Variants in DPPA2 observed in about 807,000 individuals in gnomAD.
DPPA2 encodes developmental pluripotency-associated protein 2.
Under a neutral mutation model 36.2 loss-of-function variants are expected in DPPA2, and 26 were observed. The observed-to-expected ratio is 0.72, with a 90% CI of 0.53 to 1.00. The LOEUF (loss-of-function observed/expected upper bound fraction) is 1.00, where lower values mean the gene tolerates loss of function less well. Among genes scored for constraint, DPPA2 ranks in the 50% least tolerant of loss-of-function variants. DPPA2 has a pLI of 0.00. For missense variants in DPPA2, 361 were observed against 365.1 expected, an observed-to-expected ratio of 0.99 and a Z score of 0.09; for synonymous variants, 113 against 123.2, an observed-to-expected ratio of 0.92 and a Z score of 0.55.
intron 3 of DPPA2, among the ~76,000 whole-genome samples, chr3:109,311,081 T>C (rs898810123): frequency 6.6e-6 from 1 of 152,124 alleles, no homozygotes; most frequent in Non-Finnish European, 1.5e-5. Flanking sequence ...GGATTATAGG[T>C]GTAAGCCATC....
rs1576825975 is a variant in DPPA2 at position 109,314,392 on chromosome 3, A to G, written c.33+118T>C. 3 of 1,054,710 alleles carry G rather than the reference A, an allele frequency of 2.8e-6. No individual in the cohort carries two copies. The African/African-American group carries it at 4.8e-5, about 17-fold the overall frequency. 65.3% of individuals were successfully genotyped at this position (1,054,710 alleles called of 1,614,324 possible). A position where few individuals can be genotyped will look rare whatever the true frequency, so the allele number is the denominator to read the frequency against. On this transcript the variant is annotated intron_variant, in intron 2 of 8. Coordinates refer to ENST00000478945, the MANE Select transcript of DPPA2 (RefSeq NM_138815.4). ...TTTGCAAAGAAGAGGAGGTTTCAAGATGGAGATTTCTTACATCCAGGAATG... is the reference window on the plus strand; with the variant it reads ...TTTGCAAAGAAGAGGAGGTTTCAAGGTGGAGATTTCTTACATCCAGGAATG...
intron 7 of DPPA2, 40 bp downstream of exon 7, chr3:109,304,435 T>G: frequency 1.3e-6 from 2 of 1,546,664 alleles, no homozygotes; most frequent in African/African-American, 1.4e-5. Context: ...ATACACCTAC[T>G]TTTCTGTGTG....
chr3:109,303,589 G>A (rs1367928594), intron 7 of DPPA2, among the ~76,000 whole-genome samples: 6 of 151,342 alleles, frequency 4.0e-5, no homozygotes, highest in African/African-American at 9.7e-5. Context: ...GGCTGGTCTC[G>A]AACTCCCGAC....
chr3:109,304,869 A>G (rs373517576), intron 6 of DPPA2, among the ~76,000 whole-genome samples, 199 bp from the exon 7 acceptor site: 67 of 152,254 alleles, frequency 4.4e-4, no homozygotes, highest in African/African-American at 1.5e-3. Flanking sequence ...GTTGCTGGCT[A>G]GGCGCGGTGG....
chr3:109,314,447 G>C, intron 2 of DPPA2, 63 bp downstream of exon 2: 2 of 1,544,072 alleles, frequency 1.3e-6, no homozygotes, highest in Non-Finnish European at 1.8e-6. Context: ...AAACATAAGG[G>C]AGACCTAGAA....
chr3:109,300,516 A>G, intron 7 of DPPA2, 81 bp from the exon 8 acceptor site: 5 of 1,383,362 alleles, frequency 3.6e-6, no homozygotes, highest in Non-Finnish European at 5.1e-6. Context: ...TAAAATGACC[A>G]ATAAAATAAA....
At chr3:109,312,452 G>A in intron 3 of DPPA2, 93 bp downstream of exon 3, 2 of 1,449,030 alleles carry the variant, frequency 1.4e-6, no homozygotes, top group Non-Finnish European at 1.9e-6. Context: ...GCTGGGTGTT[G>A]TATAGTCAGA....
At chr3:109,299,610 TG>T (rs1559694818) in intron 8 of DPPA2, among the ~76,000 whole-genome samples, 2 of 148,672 alleles carry the variant, frequency 1.3e-5, no homozygotes, top group Non-Finnish European at 3.0e-5. Context: ...TGCTTGAACC[TG>T]GGAGGCAGGG....
At chr3:109,314,053 T>C (rs1163446) in intron 2 of DPPA2, among the ~76,000 whole-genome samples, 130,299 of 152,056 alleles carry the variant, frequency 0.86, 56,208 homozygotes, top group East Asian at 1. Context: ...TTTCCTACTC[T>C]GAAAGAAAGT....
At chr3:109,297,890 T>C (rs979491253) in intron 8 of DPPA2, among the ~76,000 whole-genome samples, 82 of 152,240 alleles carry the variant, frequency 5.4e-4, no homozygotes, top group African/African-American at 1.8e-3. Context: ...AAGGACAGCT[T>C]GAGGCCAGAA....
At chr3:109,295,914 C>T (rs1250496367) in intron 8 of DPPA2, among the ~76,000 whole-genome samples, 1 of 152,126 alleles carries the variant, frequency 6.6e-6, no homozygotes, top group African/African-American at 2.4e-5. Context: ...GAAATGAAAA[C>T]TGCCTTCATG....
At chr3:109,308,864 C>T (rs759045815) in intron 5 of DPPA2, among the ~76,000 whole-genome samples, 162 bp downstream of exon 5, 7 of 152,042 alleles carry the variant, frequency 4.6e-5, no homozygotes, top group Non-Finnish European at 7.3e-5. Flanking sequence ...TACAGGGCAG[C>T]CCCCAAAACA....
At position 109,304,660 on chromosome 3, in the gene DPPA2, C is replaced by A. The variant is rs750821612; in HGVS notation, c.669G>T (p.Trp223Cys). Residue 223 changes from tryptophan (W) to cysteine (C), a missense_variant, in exon 7 of 9, where the codon TGG becomes TGT. Trp to Cys is a radical substitution (Grantham distance 215). Coordinates refer to ENST00000478945, the MANE Select transcript of DPPA2 (RefSeq NM_138815.4). The part of the protein sequence containing the change: ...AFLMQASGVR[W>C]CVVHGRLLSA... The stretch of plus-strand genomic sequence containing the variant: ...AGAGAAGTCTGCCATGGACCACACA[C>A]CACCTGACGCCTGGAAAGGAAAAAC... The A allele has an allele frequency of 3.0e-5, 48 of 1,585,236 alleles. No homozygotes were observed. Among genetic ancestry groups the A allele is most frequent in the Non-Finnish European group, 4.0e-5 (47 of 1,167,866 alleles).
chr3:109,315,967 G>A (rs1707778048), intron 1 of DPPA2, among the ~76,000 whole-genome samples: 1 of 152,168 alleles, frequency 6.6e-6, no homozygotes. Context: ...TAAATTATGA[G>A]GCCCCACCCC....
intron 3 of DPPA2, among the ~76,000 whole-genome samples, chr3:109,310,793 C>T (rs1210791691): frequency 2.6e-5 from 4 of 151,126 alleles, no homozygotes; most frequent in South Asian, 2.1e-4. Context: ...CATGAGCCAC[C>T]GCACCCAGCT....
chr3:109,312,463 G>A (rs1441465174), intron 3 of DPPA2, 82 bp downstream of exon 3: 2 of 1,506,770 alleles, frequency 1.3e-6, no homozygotes, highest in Non-Finnish European at 9.0e-7. Context: ...TATAGTCAGA[G>A]GATAGGAAAG....
chr3:109,308,365 ATTC>A, intron 5 of DPPA2, 72 bp from the exon 6 acceptor site: 1 of 1,508,876 alleles, frequency 6.6e-7, no homozygotes, highest in Non-Finnish European at 8.8e-7. Context: ...CAATTTTATT[ATTC>A]TTTTTTTTTT....
At chr3:109,314,211 T>C (rs187646572) in intron 2 of DPPA2, among the ~76,000 whole-genome samples, 2 of 152,324 alleles carry the variant, frequency 1.3e-5, no homozygotes, top group Non-Finnish European at 2.9e-5. Flanking sequence ...TATTTATTTA[T>C]TTTTACCATT....
At chr3:109,312,517 A>G in intron 3 of DPPA2, 28 bp downstream of exon 3, 4 of 1,593,982 alleles carry the variant, frequency 2.5e-6, no homozygotes, top group Non-Finnish European at 3.4e-6. Context: ...TGTAGGAGTA[A>G]CTAACTGAGC....
Sources: allele counts gnomAD v4.1 joint callset (sites outside exome capture counted in the v4.1 genomes callset), GRCh38; gene constraint gnomAD v4.1.1; transcripts MANE v1.5; gene names NCBI Gene and HGNC (gene_info 2026-07-23, HGNC 2026-07-21).